The following MCTP1 variants were observed in gnomAD, a reference collection of about 807,000 sequenced individuals.
MCTP1 encodes the protein multiple C2 and transmembrane domain containing 1.
A neutral mutation model predicts 120.6 loss-of-function variants in MCTP1; 69 were observed. The ratio of observed to expected loss-of-function variants is 0.57; its 90% CI spans 0.47 to 0.70. The LOEUF (loss-of-function observed/expected upper bound fraction) is 0.70. MCTP1 is among the 30% of genes least tolerant of loss of function. The probability of loss-of-function intolerance (pLI) is 0.00; values close to 1 mark genes in which losing one functional copy is unlikely to be tolerated. For synonymous variants in MCTP1, 529 were observed against 493.1 expected, an observed-to-expected ratio of 1.07 and a Z score of -0.96; for missense variants, 1,203 against 1,248.8, an observed-to-expected ratio of 0.96 and a Z score of 0.55.
chr5:95,074,738 A>G (rs1199584097), intron 1 of MCTP1, among the ~76,000 whole-genome samples: 1 of 152,168 alleles, frequency 6.6e-6, no homozygotes, highest in Admixed American at 6.5e-5. Context: ...GTAGGGCGTA[A>G]AATATGTCCT....
At position 94,811,310 on chromosome 5, in the gene MCTP1, A is replaced by G. The variant is rs557255430; in HGVS notation, c.2437-12178T>C. Among the ~76,000 whole-genome samples the G allele has an allele frequency of 1.8e-4, 27 of 152,280 alleles. No homozygotes were observed. The South Asian group carries it at 3.9e-3, about 22-fold the overall frequency. On this transcript the variant is annotated intron_variant, in intron 17 of 22. Transcript: ENST00000515393. ...CTAAAGGTTTGAGCACTAAGTATAC[A>G]TTTCTCTTGGCTATTTTCCACACCT...
intron 19 of MCTP1, among the ~76,000 whole-genome samples, chr5:94,748,906 C>CA (rs771973790): frequency 2.0e-5 from 3 of 151,462 alleles, no homozygotes; most frequent in Non-Finnish European, 4.4e-5. Context: ...ACAGACTGGC[C>CA]ACCGTCTGCA....
At chr5:95,147,953 T>G (rs915885011) in intron 1 of MCTP1, among the ~76,000 whole-genome samples, 1 of 152,172 alleles carries the variant, frequency 6.6e-6, no homozygotes, top group Non-Finnish European at 1.5e-5. Context: ...CTCCTTTGCT[T>G]ATGAAGCTTA....
rs374213028 is a variant in MCTP1, at chr5:95,284,254, C to G, written c.322G>C (p.Glu108Gln). 185 of 1,590,564 alleles carry G rather than the reference C, an allele frequency of 1.2e-4. No individual in the cohort carries two copies. The highest frequency in any genetic ancestry group is 1.5e-4 in the Non-Finnish European group (179 of 1,175,454). The change falls in exon 1 of 23, where the codon GAG becomes CAG. Residue 108 changes from glutamate to glutamine, a missense_variant. Glu to Gln is a conservative substitution (Grantham distance 29). Coordinates refer to ENST00000515393, the MANE Select transcript of MCTP1 (RefSeq NM_024717.7). The surrounding 1 kb of genome is among the most constrained non-coding windows in gnomAD (Gnocchi z 5.2). ...NLCCSSPEPL[E>Q]PGGAGRAEQG... The stretch of plus-strand genomic sequence containing the variant: ...TCGGCTCTGCCGGCGCCGCCGGGCT[C>G]CAGGGGCTCCGGCGACGAGCAGCAC...
chr5:94,804,055 G>A (rs1184800397), intron 17 of MCTP1, among the ~76,000 whole-genome samples: 1 of 152,188 alleles, frequency 6.6e-6, no homozygotes, highest in Non-Finnish European at 1.5e-5. Context: ...ATGCAAGAGT[G>A]AGCCCAGAGC....
At position 95,255,291 on chromosome 5, in the gene MCTP1, C is replaced by T. The variant is rs889424540; in HGVS notation, c.720+28565G>A. Among the ~76,000 whole-genome samples the T allele has an allele frequency of 7.9e-5, 12 of 152,310 alleles. No homozygotes were observed. In the East Asian group the frequency reaches 9.6e-4, roughly 12 times the overall value. ...CAGCACTAGCACAGTGCCTGACACACAGCCTGTTTTCAATAAATGATGGAT... is the reference window on the plus strand; with the variant it reads ...CAGCACTAGCACAGTGCCTGACACATAGCCTGTTTTCAATAAATGATGGAT... On this transcript the variant is annotated intron_variant, in intron 1 of 22. Transcript: ENST00000515393.
intron 2 of MCTP1, among the ~76,000 whole-genome samples, chr5:95,004,036 C>G (rs2153640844): frequency 6.6e-6 from 1 of 152,278 alleles, no homozygotes; most frequent in Admixed American, 6.5e-5. Flanking sequence ...GAAGTCCAGG[C>G]TGAGGAGGTC....
chr5:94,824,271 T>G (rs1020140842), intron 17 of MCTP1, among the ~76,000 whole-genome samples: 1 of 152,284 alleles, frequency 6.6e-6, no homozygotes, highest in Admixed American at 6.5e-5. Context: ...TGAATTTTAT[T>G]GAAGGCCTTT....
At chr5:95,184,590 T>C (rs1220489963) in intron 1 of MCTP1, among the ~76,000 whole-genome samples, 1 of 152,164 alleles carries the variant, frequency 6.6e-6, no homozygotes, top group Non-Finnish European at 1.5e-5. Flanking sequence ...AACAGCCCTT[T>C]CCTGAAAAGA....
intron 19 of MCTP1, among the ~76,000 whole-genome samples, chr5:94,766,717 C>T (rs945909047): frequency 6.7e-6 from 1 of 149,292 alleles, no homozygotes; most frequent in Non-Finnish European, 1.5e-5. Flanking sequence ...TGGACACATA[C>T]AGCCTACCAA....
At chr5:94,972,347 C>G (rs980647250) in intron 2 of MCTP1, among the ~76,000 whole-genome samples, 1 of 151,036 alleles carries the variant, frequency 6.6e-6, no homozygotes, top group Non-Finnish European at 1.5e-5. Flanking sequence ...CAGGTTGAAC[C>G]CTTAACAGCC....
intron 1 of MCTP1, among the ~76,000 whole-genome samples, chr5:95,268,634 T>C (rs538893178): frequency 1.7e-4 from 26 of 152,316 alleles, no homozygotes; most frequent in Admixed American, 5.9e-4. Context: ...TTTATCTAAA[T>C]AGCTTACTCA....
rs1776031638 is a variant in MCTP1, at chr5:94,779,037, ACTGT to A, written c.2610+69_2610+72del. On this transcript the variant is annotated intron_variant, in intron 19 of 22. Transcript: ENST00000515393. ...CTCAAACACTTCAACTCCTTTTTTA[ACTGT>A]CTGTGAAAACAGTGTCATGTCTACA... 4 of 1,359,530 alleles carry A rather than the reference ACTGT, an allele frequency of 2.9e-6. No homozygotes were observed. The South Asian group carries it at 3.5e-5, about 12-fold the overall frequency. 84.2% of individuals were successfully genotyped at this position (1,359,530 alleles called of 1,614,324 possible). A position where few individuals can be genotyped will look rare whatever the true frequency, so the allele number is the denominator to read the frequency against.
intron 1 of MCTP1, among the ~76,000 whole-genome samples, chr5:95,259,147 G>A (rs548708481): frequency 3.3e-5 from 5 of 152,248 alleles, no homozygotes; most frequent in South Asian, 2.1e-4. Context: ...AGTCAATGTT[G>A]ACTACGCGTC....
intron 17 of MCTP1, among the ~76,000 whole-genome samples, chr5:94,861,911 G>A (rs1022496837): frequency 1.3e-5 from 2 of 151,672 alleles, no homozygotes; most frequent in South Asian, 2.1e-4. Context: ...AAGTGAAGTG[G>A]GGCAGCATCC....
intron 19 of MCTP1, among the ~76,000 whole-genome samples, chr5:94,721,783 C>T (rs1760947258): frequency 6.9e-6 from 1 of 145,776 alleles, no homozygotes; most frequent in Non-Finnish European, 1.5e-5. Context: ...TATAAAGCAG[C>T]TTGGATGAAA....
Position 94,706,797 on chromosome 5 carries a change from T to C in MCTP1, c.*699A>G, listed in dbSNP as rs900137947. 2 of 151,874 alleles carry C rather than the reference T, an allele frequency of 1.3e-5. No individual in the cohort carries two copies. Among genetic ancestry groups the C allele is most frequent in the Non-Finnish European group, 2.9e-5 (2 of 67,880 alleles). 9.4% of individuals were successfully genotyped at this position (151,874 alleles called of 1,614,324 possible). A position where few individuals can be genotyped will look rare whatever the true frequency, so the allele number is the denominator to read the frequency against. On this transcript the variant is annotated 3_prime_UTR_variant, in exon 23 of 23. Coordinates refer to ENST00000515393, the MANE Select transcript of MCTP1 (RefSeq NM_024717.7). ...TTATAAACTGGCAGTATTTATGTTA[T>C]GTAGTCCTGTAGAGATTTTAAGGTT...
rs60394333 is a variant in MCTP1 at position 94,791,112 on chromosome 5, C to CAA, written c.2556+7899_2556+7900dup. On this transcript the variant is annotated intron_variant, in intron 18 of 22. Transcript: ENST00000515393. Reference sequence around the variant, plus strand: ...ATACGGCGAAATCCCGTCTCTACTACAAAAAAAAAAAAAAAAAAAAAGAAA... The same window carrying CAA: ...ATACGGCGAAATCCCGTCTCTACTACAAAAAAAAAAAAAAAAAAAAAAAGAAA... 9.7e-3 allele frequency among the ~76,000 whole-genome samples: 960 copies of CAA among 99,166 alleles called. 9 individuals carry two copies. The highest frequency in any genetic ancestry group is 0.017 in the East Asian group (54 of 3,102). 65.1% of individuals were successfully genotyped at this position (99,166 alleles called of 152,430 possible).
At chr5:95,104,748 A>C (rs1023340751) in intron 1 of MCTP1, among the ~76,000 whole-genome samples, 2 of 152,192 alleles carry the variant, frequency 1.3e-5, no homozygotes, top group South Asian at 2.1e-4. Flanking sequence ...AGTATTATGA[A>C]ATTTCTCATA....
Sources: allele counts gnomAD v4.1 joint callset (sites outside exome capture counted in the v4.1 genomes callset), GRCh38; gene constraint gnomAD v4.1.1; non-coding constraint Gnocchi (gnomAD v3.1); transcripts MANE v1.5; gene names NCBI Gene and HGNC (gene_info 2026-07-23, HGNC 2026-07-21).